The following EVC variants were observed in gnomAD, a reference collection of about 807,000 sequenced individuals.
The protein encoded by EVC is evC complex member EVC.
A neutral mutation model predicts 118.9 loss-of-function variants in EVC; 116 were observed. That is an observed-to-expected ratio of 0.98 (90% CI 0.84 to 1.14). EVC has a LOEUF of 1.14. Ranked by LOEUF, EVC falls within the 50% of genes most tolerant of loss-of-function variation. The pLI is 0.00. For synonymous variants in EVC, 619 were observed against 534.7 expected (o/e 1.16, Z -2.18); for missense variants, 1,401 against 1,246.4 (o/e 1.12, Z -1.87).
chr4:5,775,030 C>A (rs920011529), intron 11 of EVC, among the ~76,000 whole-genome samples: 59 of 152,222 alleles, frequency 3.9e-4, no homozygotes, highest in Middle Eastern at 3.4e-3. Flanking sequence ...GTTGTTTTTA[C>A]AAAGCTAACC....
chr4:5,725,900 A>T (rs1481118430), intron 2 of EVC, among the ~76,000 whole-genome samples: 1 of 152,196 alleles, frequency 6.6e-6, no homozygotes, highest in Non-Finnish European at 1.5e-5. Flanking sequence ...ATAAGGAATA[A>T]TGAGGGGTCT....
chr4:5,804,696 A>G (rs750602815), intron 16 of EVC, 34 bp from the exon 17 acceptor site: 2 of 1,599,058 alleles, frequency 1.3e-6, no homozygotes, highest in Non-Finnish European at 1.7e-6. Flanking sequence ...TCCTCCAAAC[A>G]GACCCCTTGA....
intron 13 of EVC, among the ~76,000 whole-genome samples, chr4:5,794,392 T>TTA (rs1362463018): frequency 1.4e-4 from 19 of 136,696 alleles, no homozygotes; most frequent in East Asian, 1.4e-3. Context: ...TATATATTTT[T>TTA]TATATATATA....
chr4:5,806,934 GGTGAT>G (rs1478716687), intron 17 of EVC, among the ~76,000 whole-genome samples: 1 of 152,150 alleles, frequency 6.6e-6, no homozygotes, highest in Admixed American at 6.5e-5. Flanking sequence ...TCTGATGATG[GGTGAT>G]GCTCAGAGTT....
intron 11 of EVC, among the ~76,000 whole-genome samples, chr4:5,767,347 C>G (rs1733072636): frequency 9.2e-6 from 1 of 108,636 alleles, no homozygotes; most frequent in Non-Finnish European, 2.3e-5. Flanking sequence ...TTACTGCTGT[C>G]TTTTTGTTTG....
intron 16 of EVC, among the ~76,000 whole-genome samples, chr4:5,803,128 C>A (rs987109236): frequency 5.9e-5 from 9 of 152,200 alleles, no homozygotes; most frequent in Non-Finnish European, 8.8e-5. Flanking sequence ...CAGTAACATA[C>A]AGATAAGGAT....
intron 11 of EVC, among the ~76,000 whole-genome samples, chr4:5,759,790 T>C (rs1731723327): frequency 6.6e-6 from 1 of 152,196 alleles, no homozygotes; most frequent in East Asian, 1.9e-4. Context: ...AGAAAGTTTA[T>C]TTTGCCAAGG....
intron 11 of EVC, among the ~76,000 whole-genome samples, chr4:5,759,358 C>T (rs1277173219): frequency 6.6e-6 from 1 of 152,188 alleles, no homozygotes; most frequent in Non-Finnish European, 1.5e-5. Context: ...TGGTCACTTC[C>T]TTGACTACCT....
At chr4:5,769,544 G>C (rs1272203058) in intron 11 of EVC, among the ~76,000 whole-genome samples, 1 of 152,150 alleles carries the variant, frequency 6.6e-6, no homozygotes, top group Non-Finnish European at 1.5e-5. Context: ...GCGATCGCGT[G>C]AGCTCTGTGG....
At chr4:5,799,285 G>C (rs1438065271) in intron 15 of EVC, among the ~76,000 whole-genome samples, 1 of 152,198 alleles carries the variant, frequency 6.6e-6, no homozygotes, top group African/African-American at 2.4e-5. Flanking sequence ...TCCTTATACT[G>C]ACAATAATCA....
intron 1 of EVC, among the ~76,000 whole-genome samples, chr4:5,712,930 C>T (rs571873097): frequency 6.6e-6 from 1 of 152,312 alleles, no homozygotes; most frequent in Non-Finnish European, 1.5e-5. Flanking sequence ...GCCATTATCC[C>T]CACTTTACAG....
chr4:5,736,820 C>T (rs554438099), intron 5 of EVC, among the ~76,000 whole-genome samples: 3 of 152,264 alleles, frequency 2.0e-5, no homozygotes, highest in Admixed American at 2.0e-4. Context: ...CTTGGGCCTC[C>T]CTATTTCTTG....
intron 1 of EVC, among the ~76,000 whole-genome samples, chr4:5,715,252 A>C (rs1346706371): frequency 6.6e-6 from 1 of 152,244 alleles, no homozygotes. Context: ...TATCTCTCCC[A>C]GAAACATTCT....
intron 11 of EVC, among the ~76,000 whole-genome samples, chr4:5,782,368 C>T (rs1308817899): frequency 1.3e-5 from 2 of 148,904 alleles, no homozygotes; most frequent in African/African-American, 2.5e-5. Flanking sequence ...AGCCACCATG[C>T]GCAGCTATCT....
rs1175798148 is a variant in EVC at position 5,731,667 on chromosome 4, G to T, written c.617+10G>T. ...TGCTGGCCTGCGAGAGGTAAGGAGAGCGGGCAATGGAGGATGAGGCTTCCA... is the reference window on the plus strand; with the variant it reads ...TGCTGGCCTGCGAGAGGTAAGGAGATCGGGCAATGGAGGATGAGGCTTCCA... On this transcript the variant is annotated intron_variant, in intron 4 of 20. Coordinates refer to ENST00000264956, the MANE Select transcript of EVC (RefSeq NM_153717.3). This position sits in a 1 kb window ranked among gnomAD's most constrained non-coding sequence, Gnocchi z 5.6. 1 of 1,611,426 alleles carries T rather than the reference G, an allele frequency of 6.2e-7. No homozygotes were observed. The highest frequency in any genetic ancestry group is 1.1e-5 in the South Asian group (1 of 90,724).
chr4:5,809,107 A>T (rs1053629473), intron 18 of EVC, among the ~76,000 whole-genome samples: 3 of 152,238 alleles, frequency 2.0e-5, no homozygotes, highest in Non-Finnish European at 4.4e-5. Context: ...TTACGTTGCT[A>T]TCCAGGGTCA....
intron 19 of EVC, 79 bp from the exon 20 acceptor site, chr4:5,810,260 T>C: frequency 9.2e-7 from 1 of 1,081,302 alleles, no homozygotes; most frequent in Non-Finnish European, 1.4e-6. Flanking sequence ...AATGTCAGGC[T>C]GGGTTGGTGT....
At chr4:5,736,542 T>C (rs532523172) in intron 5 of EVC, among the ~76,000 whole-genome samples, 1 of 151,962 alleles carries the variant, frequency 6.6e-6, no homozygotes. Flanking sequence ...TGAAGGGTTT[T>C]GGCAACTCTG....
chr4:5,769,708 C>A (rs1392222428), intron 11 of EVC, among the ~76,000 whole-genome samples: 2 of 152,124 alleles, frequency 1.3e-5, no homozygotes, highest in Non-Finnish European at 2.9e-5. Context: ...ATAGCTGTTT[C>A]TCTTGAAAGG....
Sources: gnomAD v4.1 joint callset for allele counts (sites outside exome capture counted in the v4.1 genomes callset) on GRCh38, gnomAD v4.1.1 for gene constraint, Gnocchi (gnomAD v3.1) non-coding constraint, MANE v1.5 for transcripts, NCBI Gene and HGNC (gene_info 2026-07-23, HGNC 2026-07-21) for gene names.